The following PCDHGA3 variants were observed in gnomAD, a reference collection of about 807,000 sequenced individuals.
The protein encoded by PCDHGA3 is protocadherin gamma subfamily A, 3, also known as protocadherin gamma-A3.
A neutral mutation model predicts 58.5 loss-of-function variants in PCDHGA3; 40 were observed. The observed-to-expected ratio is 0.68, with a 90% CI of 0.53 to 0.89. The LOEUF (loss-of-function observed/expected upper bound fraction) is 0.89. PCDHGA3 is among the 40% of genes least tolerant of loss of function. The pLI, the probability that PCDHGA3 is intolerant of heterozygous loss-of-function variation, is 0.00. For missense variants in PCDHGA3, 1,223 were observed against 1,195.9 expected (o/e 1.02, Z -0.33); for synonymous variants, 530 against 525.7 (o/e 1.01, Z -0.11).
chr5:141,375,784 C>A (rs562973702), intron 1 of PCDHGA3: 7 of 1,614,254 alleles, frequency 4.3e-6, no homozygotes, highest in Non-Finnish European at 5.1e-6. Flanking sequence ...ACCCCGCCCT[C>A]CCCACAGACG....
At chr5:141,466,325 C>T (rs1252026939) in intron 1 of PCDHGA3, among the ~76,000 whole-genome samples, 3 of 152,108 alleles carry the variant, frequency 2.0e-5, no homozygotes, top group African/African-American at 7.2e-5. Context: ...CACATGCTAC[C>T]ATGCCTGGAT....
chr5:141,346,135 C>G lies in PCDHGA3; in HGVS notation c.2102C>G (p.Ser701Cys). 1 of 1,613,962 alleles carries G rather than the reference C, an allele frequency of 6.2e-7. No homozygotes were observed. Among genetic ancestry groups the G allele is most frequent in the Non-Finnish European group, 8.5e-7 (1 of 1,179,916 alleles). The stretch of plus-strand genomic sequence containing the variant: ...CTGGTGGTGGCGGTGGCCGCGGTCT[C>G]CTGCGTCTTCCTGGCCTTCGTCATC... ...LYLVVAVAAV[S>C]CVFLAFVIVL... Residue 701 changes from serine (S) to cysteine (C), a missense_variant, in exon 1 of 4, where the codon TCC becomes TGC. Physicochemically the swap from Ser to Cys is moderately radical, Grantham distance 112. Around this residue, in one of 3 missense-constraint regions of PCDHGA3, gnomAD observed 325 missense variants for 327.5 expected, o/e 0.99. Transcript: ENST00000253812.
At chr5:141,471,708 T>G (rs1359785951) in intron 1 of PCDHGA3, among the ~76,000 whole-genome samples, 1 of 152,138 alleles carries the variant, frequency 6.6e-6, no homozygotes, top group Non-Finnish European at 1.5e-5. Context: ...GGAATAGAAG[T>G]GCCACTTACC....
chr5:141,344,977 A>T lies in PCDHGA3; in HGVS notation c.944A>T (p.Tyr315Phe), dbSNP rs368613508. The T allele has an allele frequency of 3.1e-6, 5 of 1,613,940 alleles. No homozygotes were observed. The Admixed American group carries it at 6.7e-5, about 22-fold the overall frequency. The change falls in exon 1 of 4, where the codon TAT (tyrosine) becomes TTT (phenylalanine). Residue 315 changes from tyrosine to phenylalanine, a missense_variant. Tyr to Phe is a conservative substitution (Grantham distance 22, BLOSUM62 3). Coordinates refer to ENST00000253812, the MANE Select transcript of PCDHGA3 (RefSeq NM_018916.4). ...CTAGATTATGAGGATGCCATGTTCTATGAAATTAAAATTGAAGCACAGGAT... is the reference window on the plus strand; with the variant it reads ...CTAGATTATGAGGATGCCATGTTCTTTGAAATTAAAATTGAAGCACAGGAT... ...KSLDYEDAMFYEIKIEAQDGP... is the reference protein window; with the variant it reads ...KSLDYEDAMFFEIKIEAQDGP...
At chr5:141,406,544 T>A (rs1254762260) in intron 1 of PCDHGA3, among the ~76,000 whole-genome samples, 1 of 152,222 alleles carries the variant, frequency 6.6e-6, no homozygotes, top group Non-Finnish European at 1.5e-5. Context: ...AGATTCAAAC[T>A]TCAGTTATCC....
chr5:141,477,312 T>G lies in PCDHGA3; in HGVS notation c.2425-17495T>G. On this transcript the variant is annotated intron_variant, in intron 1 of 3. Coordinates refer to ENST00000253812, the MANE Select transcript of PCDHGA3 (RefSeq NM_018916.4). This position sits in a 1 kb window ranked among gnomAD's most constrained non-coding sequence, Gnocchi z 4.9. ...GTTCCACCGGGTCTCCCTTTCAGCC[T>G]TACTTCTTCCCTCAAGAATTACTTC... The G allele has an allele frequency of 1.2e-6, 2 of 1,614,162 alleles. No individual in the cohort carries two copies. The highest frequency in any genetic ancestry group is 1.7e-6 in the Non-Finnish European group (2 of 1,180,032).
intron 1 of PCDHGA3, chr5:141,422,637 C>T (rs980166515): frequency 8.7e-5 from 141 of 1,612,568 alleles, no homozygotes; most frequent in Non-Finnish European, 1.2e-4. Flanking sequence ...CCAGGGGTGC[C>T]TCCATCTTCT....
intron 3 of PCDHGA3, among the ~76,000 whole-genome samples, chr5:141,509,050 C>T (rs867585045): frequency 1.6e-4 from 25 of 152,304 alleles, no homozygotes; most frequent in Admixed American, 5.2e-4. Flanking sequence ...CCCCCGCCCC[C>T]AGAAAGCTCT....
intron 1 of PCDHGA3, chr5:141,383,587 G>A (rs1054174619): frequency 3.1e-6 from 5 of 1,613,564 alleles, no homozygotes; most frequent in African/African-American, 1.3e-5. Context: ...CCACATCCAG[G>A]TGACAGTGGT....
chr5:141,347,062 C>T (rs1469415681), intron 1 of PCDHGA3, among the ~76,000 whole-genome samples: 1 of 149,700 alleles, frequency 6.7e-6, no homozygotes, highest in African/African-American at 2.5e-5. Flanking sequence ...CTCCTTCCTT[C>T]CTTCCTTCCT....
chr5:141,494,439 C>T (rs1009257996), intron 1 of PCDHGA3, among the ~76,000 whole-genome samples: 1 of 152,126 alleles, frequency 6.6e-6, no homozygotes, highest in Non-Finnish European at 1.5e-5. Flanking sequence ...CCTCCTTTGC[C>T]ACTTTAGGGG....
chr5:141,365,585 A>G (rs749384821), intron 1 of PCDHGA3: 2 of 1,613,578 alleles, frequency 1.2e-6, no homozygotes, highest in Non-Finnish European at 1.7e-6. Context: ...TTCAGATTAT[A>G]ATATCACTTT....
rs183338714 is a variant in PCDHGA3, at chr5:141,373,869, G to A, written c.2424+27412G>A. On this transcript the variant is annotated intron_variant, in intron 1 of 3. Coordinates refer to ENST00000253812, the MANE Select transcript of PCDHGA3 (RefSeq NM_018916.4). ...TAAGCGTCGCTGTTGACCAACCTGG[G>A]CAAGAAAATCAACGGAAACTCAAGT... The A allele has an allele frequency of 4.3e-3, 2,030 of 471,178 alleles. 12 individuals carry two copies. Among genetic ancestry groups the A allele is most frequent in the Admixed American group, 0.01 (264 of 25,860 alleles). The allele number at this position is 471,178 out of a possible 1,614,324, so 29.2% of individuals were successfully genotyped here. A position where few individuals can be genotyped will look rare whatever the true frequency, so the allele number is the denominator to read the frequency against.
Position 141,489,560 on chromosome 5 carries a change from A to G in PCDHGA3, c.2425-5247A>G. On this transcript the variant is annotated intron_variant, in intron 1 of 3. Coordinates refer to ENST00000253812, the MANE Select transcript of PCDHGA3 (RefSeq NM_018916.4). The surrounding 1 kb of genome is among the most constrained non-coding windows in gnomAD (Gnocchi z 4.5). Reference sequence around the variant, plus strand: ...AGCACCAGCTGCCTGCTGCCAGTGCAGGTGGTGACTGAACACCCCCTGGAG... The same window carrying G: ...AGCACCAGCTGCCTGCTGCCAGTGCGGGTGGTGACTGAACACCCCCTGGAG... 1.2e-6 allele frequency: 2 copies of G among 1,614,142 alleles called. No homozygotes were observed. The highest frequency in any genetic ancestry group is 1.7e-6 in the Non-Finnish European group (2 of 1,180,030).
chr5:141,345,710 G>T lies in PCDHGA3; in HGVS notation c.1677G>T (p.Ala559=), dbSNP rs373967163. 6 of 1,614,076 alleles carry T rather than the reference G, an allele frequency of 3.7e-6. No individual in the cohort carries two copies. The Admixed American group carries it at 1.0e-4, about 27-fold the overall frequency. ...TCGTGCTGGACCAGAACGACAACGC[G>T]CCCGAGATCCTGTACCCCGCCCTCC... ...NLFVLDQNDN[A]PEILYPALPT... is the part of the protein sequence containing the mutation. The change falls in exon 1 of 4, where the codon GCG becomes GCT. Residue 559 remains alanine, a synonymous_variant. Transcript: ENST00000253812.
chr5:141,400,580 C>T (rs756569671), intron 1 of PCDHGA3: 2 of 1,610,388 alleles, frequency 1.2e-6, no homozygotes, highest in South Asian at 2.2e-5. Context: ...TCTGTATTTA[C>T]ATGAAACTAT....
At chr5:141,359,614 T>C (rs76024050) in intron 1 of PCDHGA3, among the ~76,000 whole-genome samples, 89 of 151,982 alleles carry the variant, frequency 5.9e-4, no homozygotes, top group African/African-American at 2.0e-3. Context: ...CAGAATATGG[T>C]ATGTTGTATG....
intron 1 of PCDHGA3, chr5:141,414,666 A>G (rs1243321329): frequency 6.2e-7 from 1 of 1,614,002 alleles, no homozygotes; most frequent in Admixed American, 1.7e-5. Context: ...CCCTGGCTGA[A>G]GACACCATCC....
intron 1 of PCDHGA3, chr5:141,359,955 C>G (rs1375223360): frequency 1.1e-5 from 6 of 566,630 alleles, no homozygotes; most frequent in Non-Finnish European, 1.7e-5. Flanking sequence ...GTCAAAAGAA[C>G]GAAGAGAAGC....
Sources: gnomAD v4.1 joint callset for allele counts (sites outside exome capture counted in the v4.1 genomes callset) on GRCh38, gnomAD v4.1.1 for gene constraint, gnomAD v4.1.1 regional missense constraint, Gnocchi (gnomAD v3.1) non-coding constraint, MANE v1.5 for transcripts, NCBI Gene and HGNC (gene_info 2026-07-23, HGNC 2026-07-21) for gene names.